Variants in SV2B observed in about 807,000 individuals in gnomAD.
The protein encoded by SV2B is solute carrier family 22 member B2.
SV2B carries 41 observed loss-of-function variants against 73.9 expected under a neutral mutation model. The observed-to-expected ratio is 0.56, with a 90% CI of 0.43 to 0.72. The LOEUF (loss-of-function observed/expected upper bound fraction) is 0.72, where lower values mean the gene tolerates loss of function less well. Among genes scored for constraint, SV2B ranks in the 30% least tolerant of loss-of-function variants. The pLI is 0.00. For missense variants in SV2B, 764 were observed against 857.8 expected, an observed-to-expected ratio of 0.89 and a Z score of 1.37; for synonymous variants, 314 against 314.2, an observed-to-expected ratio of 1.00 and a Z score of 0.01.
chr15:91,114,141 G>C (rs918462551), intron 1 of SV2B, among the ~76,000 whole-genome samples: 1 of 131,382 alleles, frequency 7.6e-6, no homozygotes, highest in African/African-American at 2.9e-5. Flanking sequence ...CCGAGATCGC[G>C]CCACTGCACT....
In SV2B at chr15:91,283,917, G is replaced by T; in HGVS notation, c.1508-104G>T. 8.6e-7 allele frequency: 1 copy of T among 1,166,048 alleles called. No individual in the cohort carries two copies. The highest frequency in any genetic ancestry group is 1.8e-5 in the Admixed American group (1 of 54,154). The allele number at this position is 1,166,048 out of a possible 1,614,324, so 72.2% of individuals were successfully genotyped here. On this transcript the variant is annotated intron_variant, in intron 10 of 12. Coordinates refer to ENST00000394232, the MANE Select transcript of SV2B (RefSeq NM_001323032.3). This position sits in a 1 kb window ranked among gnomAD's most constrained non-coding sequence, Gnocchi z 4.3. ...GAGGCTGTCTGACTGGCAAAGGCTGGCACAGCCTGCCTACAGGAGGGGGCA... is the reference window on the plus strand; with the variant it reads ...GAGGCTGTCTGACTGGCAAAGGCTGTCACAGCCTGCCTACAGGAGGGGGCA...
chr15:91,186,246 T>A (rs12898212), intron 1 of SV2B, among the ~76,000 whole-genome samples: 48,207 of 152,112 alleles, frequency 0.32, 8,490 homozygotes, highest in East Asian at 0.72. Flanking sequence ...TCTGGAGAAC[T>A]ATTTGGCAGC....
At chr15:91,191,063 C>CTGTTTTTTTTTTTTTTTTTTT (rs2044995518) in intron 1 of SV2B, among the ~76,000 whole-genome samples, 2 of 64,238 alleles carry the variant, frequency 3.1e-5, no homozygotes, top group Admixed American at 1.9e-4. Flanking sequence ...TTTGGTGTTT[C>CTGTTTTTTTTTTTTTTTTTTT]TTTTTTTTTT....
chr15:91,165,060 G>C (rs1415871039), intron 1 of SV2B, among the ~76,000 whole-genome samples: 2 of 152,248 alleles, frequency 1.3e-5, no homozygotes, highest in Admixed American at 6.5e-5. Context: ...TTTTAGGCTG[G>C]ACATGGTGGC....
chr15:91,244,863 G>A (rs1178297212), intron 2 of SV2B, among the ~76,000 whole-genome samples: 1 of 152,192 alleles, frequency 6.6e-6, no homozygotes, highest in Admixed American at 6.5e-5. Context: ...GGAAGATGCT[G>A]ATTTTTATTC....
At chr15:91,287,522 C>T (rs1783554485) in intron 11 of SV2B, among the ~76,000 whole-genome samples, 2 of 152,196 alleles carry the variant, frequency 1.3e-5, no homozygotes, top group Non-Finnish European at 1.5e-5. Flanking sequence ...TCAAGGTCCT[C>T]CGGGCTGAAC....
In SV2B at chr15:91,295,989, C is replaced by G. The variant is rs1049950709; in HGVS notation, c.*3437C>G. On this transcript the variant is annotated 3_prime_UTR_variant, in exon 13 of 13. Transcript: ENST00000394232. ...TTCATGTGTAAAAGGATTGCTACTACTTTACTTGTCAGCTGTGGATTTCCA... is the reference window on the plus strand; with the variant it reads ...TTCATGTGTAAAAGGATTGCTACTAGTTTACTTGTCAGCTGTGGATTTCCA... The G allele has an allele frequency of 1.3e-5, 2 of 152,178 alleles. No homozygotes were observed. Among genetic ancestry groups the G allele is most frequent in the African/African-American group, 4.8e-5 (2 of 41,450 alleles). 9.4% of individuals were successfully genotyped at this position (152,178 alleles called of 1,614,324 possible).
chr15:91,270,048 C>T (rs779803738), intron 9 of SV2B, among the ~76,000 whole-genome samples: 1 of 152,026 alleles, frequency 6.6e-6, no homozygotes, highest in Non-Finnish European at 1.5e-5. Context: ...GTTGACATTG[C>T]CAAGGAAGAA....
At position 91,239,878 on chromosome 15, in the gene SV2B, C is replaced by G. The variant is rs1407206419; in HGVS notation, c.452-11941C>G. Among the ~76,000 whole-genome samples the G allele has an allele frequency of 6.6e-6, 1 of 152,182 alleles. No homozygotes were observed. ...ACTTTCCATGGTGGTCACAAGATAG[C>G]CACCATAGCTCTAATCTAAGTCCCC... On this transcript the variant is annotated intron_variant, in intron 2 of 12. Coordinates refer to ENST00000394232, the MANE Select transcript of SV2B (RefSeq NM_001323032.3). The surrounding 1 kb of genome is among the most constrained non-coding windows in gnomAD (Gnocchi z 5.1).
intron 1 of SV2B, among the ~76,000 whole-genome samples, chr15:91,152,799 C>G (rs773635824): frequency 2.1e-4 from 32 of 152,192 alleles, no homozygotes; most frequent in Non-Finnish European, 3.5e-4. Flanking sequence ...CCAACTAAGA[C>G]TTTCTCCATG....
At chr15:91,182,746 C>T (rs960662569) in intron 1 of SV2B, among the ~76,000 whole-genome samples, 11 of 152,184 alleles carry the variant, frequency 7.2e-5, no homozygotes, top group African/African-American at 2.7e-4. Context: ...TTATAGGAAC[C>T]TCATCGAAAT....
rs773477799 is a variant in SV2B, at chr15:91,220,343, G to A, written c.-391-5530G>A. Reference sequence around the variant, plus strand: ...TTACTGTGGGGTCAAGCAGGTTTTTGTTCAGGTCTTCTCATAGCCTTTAAT... The same window carrying A: ...TTACTGTGGGGTCAAGCAGGTTTTTATTCAGGTCTTCTCATAGCCTTTAAT... On this transcript the variant is annotated intron_variant, in intron 1 of 12. Transcript: ENST00000394232. The surrounding 1 kb of genome is among the most constrained non-coding windows in gnomAD (Gnocchi z 4.1). Among the ~76,000 whole-genome samples, 1 of 152,182 alleles carries A rather than the reference G, an allele frequency of 6.6e-6. No individual in the cohort carries two copies. Among genetic ancestry groups the A allele is most frequent in the Non-Finnish European group, 1.5e-5 (1 of 68,028 alleles).
chr15:91,249,107 CAT>C (rs1491426944), intron 2 of SV2B, among the ~76,000 whole-genome samples: 17,713 of 132,390 alleles, frequency 0.13, 1,050 homozygotes, highest in Non-Finnish European at 0.15. Context: ...CACACACACA[CAT>C]GTTTATGATC....
rs2048735828 is a variant in SV2B at position 91,283,145 on chromosome 15, T to C, written c.1508-876T>C. 6.6e-6 allele frequency among the ~76,000 whole-genome samples: 1 copy of C among 152,182 alleles called. No homozygotes were observed. The highest frequency in any genetic ancestry group is 1.5e-5 in the Non-Finnish European group (1 of 68,040). ...GCAGGGCCAGCTCCCCAAACGCAGG[T>C]TTCTAGGGAGCCTGTTTAGTACTTT... On this transcript the variant is annotated intron_variant, in intron 10 of 12. Coordinates refer to ENST00000394232, the MANE Select transcript of SV2B (RefSeq NM_001323032.3). This position sits in a 1 kb window ranked among gnomAD's most constrained non-coding sequence, Gnocchi z 4.3.
intron 1 of SV2B, among the ~76,000 whole-genome samples, chr15:91,194,464 G>T (rs143936916): frequency 1.3e-5 from 2 of 152,158 alleles, no homozygotes; most frequent in South Asian, 4.1e-4. Flanking sequence ...GTGGCCATAC[G>T]CACTCTTTTC....
intron 1 of SV2B, among the ~76,000 whole-genome samples, chr15:91,134,995 C>CTTTTTTTTTTTT (rs3082093): frequency 7.3e-6 from 1 of 137,392 alleles, no homozygotes. Flanking sequence ...ATTTCTCAAC[C>CTTTTTTTTTTTT]TTTTTTTTTT....
chr15:91,127,918 G>A (rs1333929755), intron 1 of SV2B, among the ~76,000 whole-genome samples: 15 of 152,160 alleles, frequency 9.9e-5, no homozygotes, highest in Admixed American at 9.8e-4. Context: ...CTCATTATAA[G>A]CATTAAAGTG....
At position 91,100,534 on chromosome 15, in the gene SV2B, G is replaced by T. The variant is rs569884008; in HGVS notation, c.-392+171G>T. ...GATCGGAGAGTCTTGAAAAACCGGCGCAGAAAAGCAAGGACTTGCCCGCTG... is the reference window on the plus strand; with the variant it reads ...GATCGGAGAGTCTTGAAAAACCGGCTCAGAAAAGCAAGGACTTGCCCGCTG... On this transcript the variant is annotated intron_variant, in intron 1 of 12. Transcript: ENST00000394232. This position sits in a 1 kb window ranked among gnomAD's most constrained non-coding sequence, Gnocchi z 6.4. Among the ~76,000 whole-genome samples the T allele has an allele frequency of 1.3e-5, 2 of 152,358 alleles. No individual in the cohort carries two copies. The highest frequency in any genetic ancestry group is 4.8e-5 in the African/African-American group (2 of 41,590).
chr15:91,212,213 C>T (rs1283484904), intron 1 of SV2B, among the ~76,000 whole-genome samples: 1 of 152,210 alleles, frequency 6.6e-6, no homozygotes, highest in African/African-American at 2.4e-5. Flanking sequence ...AATATTGCTT[C>T]TCAGGAAAAA....
Sources: allele counts gnomAD v4.1 joint callset (sites outside exome capture counted in the v4.1 genomes callset), GRCh38; gene constraint gnomAD v4.1.1; non-coding constraint Gnocchi (gnomAD v3.1); transcripts MANE v1.5; gene names NCBI Gene and HGNC (gene_info 2026-07-23, HGNC 2026-07-21).